Variants in SCAPER observed in about 807,000 individuals in gnomAD.
The protein encoded by SCAPER is S phase cyclin A-associated protein in the endoplasmic reticulum.
A neutral mutation model predicts 182.2 loss-of-function variants in SCAPER; 98 were observed. That is an observed-to-expected ratio of 0.54 (90% confidence interval 0.46 to 0.64). The LOEUF is 0.64. Among genes scored for constraint, SCAPER ranks in the 30% least tolerant of loss-of-function variants. The pLI, the probability that SCAPER is intolerant of heterozygous loss-of-function variation, is 0.00. For synonymous variants in SCAPER, 605 were observed against 564.6 expected (o/e 1.07, Z -1.01); for missense variants, 1,432 against 1,690.0 (o/e 0.85, Z 2.68).
intron 8 of SCAPER, among the ~76,000 whole-genome samples, chr15:76,791,208 G>T (rs2064983648): frequency 6.6e-6 from 1 of 152,144 alleles, no homozygotes; most frequent in Non-Finnish European, 1.5e-5. Context: ...GACCCAGCAT[G>T]TTTCAATTTT....
At chr15:76,466,466 A>G (rs1012871247) in intron 25 of SCAPER, among the ~76,000 whole-genome samples, 2 of 51,302 alleles carry the variant, frequency 3.9e-5, no homozygotes, top group Non-Finnish European at 7.9e-5. Flanking sequence ...CTTTGTTGAT[A>G]TTCTCATTTT....
intron 17 of SCAPER, among the ~76,000 whole-genome samples, chr15:76,722,874 A>C (rs1018946867): frequency 2.6e-5 from 4 of 152,156 alleles, no homozygotes; most frequent in Non-Finnish European, 5.9e-5. Context: ...TTTTAAAAAA[A>C]CAGGCTCCTG....
At chr15:76,783,555 T>A (rs1238352480) in intron 8 of SCAPER, among the ~76,000 whole-genome samples, 1 of 151,986 alleles carries the variant, frequency 6.6e-6, no homozygotes, top group Non-Finnish European at 1.5e-5. Context: ...CATCCAGATA[T>A]GAAAGCCTGA....
At chr15:76,842,581 T>C (rs1054296953) in intron 4 of SCAPER, among the ~76,000 whole-genome samples, 10 of 152,138 alleles carry the variant, frequency 6.6e-5, no homozygotes, top group Admixed American at 5.9e-4. Context: ...TCCTTTTAAA[T>C]TACCCAGTCT....
intron 15 of SCAPER, among the ~76,000 whole-genome samples, chr15:76,744,950 A>C (rs747652064): frequency 6.6e-6 from 1 of 152,214 alleles, no homozygotes; most frequent in Non-Finnish European, 1.5e-5. Context: ...ACAACATGGA[A>C]TACTACGCAA....
intron 24 of SCAPER, among the ~76,000 whole-genome samples, chr15:76,491,058 T>C (rs537763495): frequency 1.3e-5 from 2 of 152,292 alleles, no homozygotes; most frequent in African/African-American, 4.8e-5. Flanking sequence ...ATGTTAAATA[T>C]TGTGCTGAAA....
intron 15 of SCAPER, among the ~76,000 whole-genome samples, chr15:76,738,462 C>T (rs1271737982): frequency 1.3e-5 from 2 of 150,564 alleles, no homozygotes; most frequent in Non-Finnish European, 2.9e-5. Context: ...CTCGTGAACC[C>T]GGGAGGCGAA....
intron 23 of SCAPER, among the ~76,000 whole-genome samples, chr15:76,540,627 T>C (rs576698601): frequency 2.0e-5 from 3 of 152,108 alleles, no homozygotes; most frequent in Non-Finnish European, 4.4e-5. Context: ...AAAATTGTTA[T>C]GTCTGAGGAG....
intron 14 of SCAPER, among the ~76,000 whole-genome samples, chr15:76,754,955 A>G (rs1325882931): frequency 1.3e-5 from 2 of 152,298 alleles, no homozygotes. Context: ...AACAGTGTTG[A>G]AAACAATAAT....
intron 17 of SCAPER, among the ~76,000 whole-genome samples, chr15:76,717,569 T>A (rs761378768): frequency 2.8e-4 from 42 of 152,286 alleles, no homozygotes; most frequent in Non-Finnish European, 4.1e-4. Flanking sequence ...TTTTTGTATG[T>A]GCCAGAAATT....
At chr15:76,441,371 C>T (rs1172225780) in intron 25 of SCAPER, among the ~76,000 whole-genome samples, 1 of 152,172 alleles carries the variant, frequency 6.6e-6, no homozygotes, top group African/African-American at 2.4e-5. Context: ...AAAATGTCAG[C>T]AAACTTTATA....
At chr15:76,828,682 A>G (rs1377099789) in intron 5 of SCAPER, among the ~76,000 whole-genome samples, 1 of 152,224 alleles carries the variant, frequency 6.6e-6, no homozygotes, top group Non-Finnish European at 1.5e-5. Context: ...AAGAAAAGAT[A>G]CAGATACAGA....
chr15:76,776,389 T>C (rs563268000), intron 8 of SCAPER, among the ~76,000 whole-genome samples: 3 of 152,212 alleles, frequency 2.0e-5, no homozygotes, highest in East Asian at 1.9e-4. Context: ...ATCTCCCACC[T>C]AACAGAAATA....
At chr15:76,518,280 T>A (rs748934554) in intron 23 of SCAPER, among the ~76,000 whole-genome samples, 7 of 152,212 alleles carry the variant, frequency 4.6e-5, no homozygotes, top group South Asian at 2.1e-4. Flanking sequence ...CTGGAGCTCA[T>A]CTCTGCAGGC....
chr15:76,778,637 G>A (rs930509871), intron 8 of SCAPER, among the ~76,000 whole-genome samples: 1 of 146,160 alleles, frequency 6.8e-6, no homozygotes, highest in African/African-American at 2.6e-5. Context: ...ACATAAGTGT[G>A]AGTGTATGTG....
intron 17 of SCAPER, among the ~76,000 whole-genome samples, chr15:76,721,074 C>T (rs985509783): frequency 1.3e-5 from 2 of 152,190 alleles, no homozygotes; most frequent in Admixed American, 1.3e-4. Context: ...ACCTTTAAGT[C>T]TTTAATCCAT....
intron 24 of SCAPER, among the ~76,000 whole-genome samples, chr15:76,483,290 A>G (rs1465749502): frequency 1.5e-5 from 1 of 67,052 alleles, no homozygotes; most frequent in Non-Finnish European, 3.9e-5. Context: ...CTGGATATTC[A>G]CATGCAAAAA....
rs766937799 is a variant in SCAPER, at chr15:76,353,945, G to A, written c.4047+4C>T. On this transcript the variant is annotated splice_donor_region_variant and intron_variant, in intron 30 of 31. Coordinates refer to ENST00000563290, the MANE Select transcript of SCAPER (RefSeq NM_020843.4). ...TAGACAATTACGTATAATGTAGAAG[G>A]TACCTGAATGAAAGTGGCCAGTAAA... 2 of 1,558,636 alleles carry A rather than the reference G, an allele frequency of 1.3e-6. No individual in the cohort carries two copies. Among genetic ancestry groups the A allele is most frequent in the South Asian group, 1.2e-5 (1 of 82,242 alleles).
At chr15:76,521,827 T>C (rs1482290642) in intron 23 of SCAPER, among the ~76,000 whole-genome samples, 2 of 152,308 alleles carry the variant, frequency 1.3e-5, no homozygotes, top group South Asian at 2.1e-4. Flanking sequence ...TTTGTTTCTA[T>C]GGCAATGGAT....
Sources: allele counts gnomAD v4.1 joint callset (sites outside exome capture counted in the v4.1 genomes callset), GRCh38; gene constraint gnomAD v4.1.1; transcripts MANE v1.5; gene names NCBI Gene and HGNC (gene_info 2026-07-23, HGNC 2026-07-21).